HIPK3: variants seen among roughly 807,000 people sequenced by gnomAD.
HIPK3 encodes homeodomain interacting protein kinase 3.
In HIPK3, 47 loss-of-function variants were observed where a neutral mutation model predicts 124.2. That is an observed-to-expected ratio of 0.38 (90% CI 0.30 to 0.48). The LOEUF is 0.48. HIPK3 is among the 20% of genes least tolerant of loss of function. The pLI is 0.98. For synonymous variants in HIPK3, 482 were observed against 515.2 expected, an observed-to-expected ratio of 0.94 and a Z score of 0.87; for missense variants, 1,286 against 1,454.3, an observed-to-expected ratio of 0.88 and a Z score of 1.88.
intron 1 of HIPK3, among the ~76,000 whole-genome samples, chr11:33,259,242 A>G (rs1191264591): frequency 6.6e-6 from 1 of 152,208 alleles, no homozygotes; most frequent in Non-Finnish European, 1.5e-5. Context: ...TTTTTGATGA[A>G]AAGTCTTGAG....
At chr11:33,295,277 G>GCCCCCCCCCCCCCCC (rs34093915) in intron 2 of HIPK3, among the ~76,000 whole-genome samples, 1 of 106,632 alleles carries the variant, frequency 9.4e-6, no homozygotes, top group Non-Finnish European at 1.9e-5. Flanking sequence ...AGCCACCACC[G>GCCCCCCCCCCCCCCC]CCCCCCCCCC....
chr11:33,324,967 A>G (rs12225045), intron 2 of HIPK3, among the ~76,000 whole-genome samples: 32,780 of 152,176 alleles, frequency 0.22, 4,159 homozygotes, highest in East Asian at 0.37. Flanking sequence ...GCAATAATAG[A>G]TAGTGAACTT....
chr11:33,328,539 T>C lies in HIPK3; in HGVS notation c.1127T>C (p.Phe376Ser). ...RAPEIILGLP[F>S]CEAIDMWSLG... ...CCAGAGATTATATTGGGGTTGCCAT[T>C]TTGTGAAGCCATAGACATGTGGTCA... The change falls in exon 3 of 17, where the codon TTT becomes TCT. Residue 376 changes from phenylalanine (F) to serine (S), a missense_variant. Transcript: ENST00000303296. The C allele has an allele frequency of 6.2e-7, 1 of 1,613,644 alleles. No homozygotes were observed. Among genetic ancestry groups the C allele is most frequent in the Non-Finnish European group, 8.5e-7 (1 of 1,179,646 alleles).
At chr11:33,262,434 C>G (rs996949241) in intron 1 of HIPK3, among the ~76,000 whole-genome samples, 2 of 152,198 alleles carry the variant, frequency 1.3e-5, no homozygotes, top group African/African-American at 2.4e-5. Flanking sequence ...TCAGTTGATA[C>G]TTGGAACATA....
intron 2 of HIPK3, among the ~76,000 whole-genome samples, chr11:33,303,868 T>C (rs1852074850): frequency 6.6e-6 from 1 of 152,178 alleles, no homozygotes; most frequent in South Asian, 2.1e-4. Context: ...TGAGAAAACA[T>C]TGCATTACAA....
chr11:33,353,069 T>TA, intron 16 of HIPK3, 23 bp from the exon 17 acceptor site: 1 of 1,288,552 alleles, frequency 7.8e-7, no homozygotes. Flanking sequence ...ATTCAGTCAT[T>TA]TTTTTTTTTT....
In HIPK3 at chr11:33,286,707, A is replaced by G. The variant is rs998471618; in HGVS notation, c.293A>G (p.Gln98Arg). The change falls in exon 2 of 17, where the codon CAG becomes CGG. Residue 98 changes from glutamine to arginine, a missense_variant. By Grantham distance (43) the Gln-to-Arg change is conservative. This residue lies in a region of HIPK3 where 225 missense variants were observed against 240.3 expected (regional missense o/e 0.94). Coordinates refer to ENST00000303296, the MANE Select transcript of HIPK3 (RefSeq NM_005734.5). The part of the protein sequence containing the change: ...TAGATKVIAA[Q>R]AQQAHVQAPQ... ...GGTGCTACAAAGGTCATAGCAGCTC[A>G]GGCACAGCAAGCTCACGTGCAGGCA... 2 of 1,614,114 alleles carry G rather than the reference A, an allele frequency of 1.2e-6. No homozygotes were observed. Among genetic ancestry groups the G allele is most frequent in the Non-Finnish European group, 1.7e-6 (2 of 1,180,014 alleles).
In HIPK3 at chr11:33,351,715, A is replaced by T; in HGVS notation, c.2915A>T (p.Asp972Val). The change falls in exon 15 of 17, where the codon GAC becomes GTC. Residue 972 changes from aspartate to valine, a missense_variant. Coordinates refer to ENST00000303296, the MANE Select transcript of HIPK3 (RefSeq NM_005734.5). ...SPFAESTFVE[D>V]THENTELVSS... ...TTTGCAGAGAGCACTTTTGTGGAGG[A>T]CACTCATGAAAACACAGAATTGGTA... 6.2e-7 allele frequency: 1 copy of T among 1,614,158 alleles called. No individual in the cohort carries two copies. Among genetic ancestry groups the T allele is most frequent in the Non-Finnish European group, 8.5e-7 (1 of 1,180,010 alleles).
Position 33,257,763 on chromosome 11 carries a change from C to G in HIPK3, c.-129C>G. ...GCAGCGGCCGCGGAGAGGGGCTGAG[C>G]CCGGGCTGGGTGGTGCCGCCTGCTG... On this transcript the variant is annotated 5_prime_UTR_variant, in exon 1 of 17. Coordinates refer to ENST00000303296, the MANE Select transcript of HIPK3 (RefSeq NM_005734.5). 1 of 988,070 alleles carries G rather than the reference C, an allele frequency of 1.0e-6. No individual in the cohort carries two copies. The highest frequency in any genetic ancestry group is 1.2e-6 in the Non-Finnish European group (1 of 831,876). The allele number at this position is 988,070 out of a possible 1,614,324, so 61.2% of individuals were successfully genotyped here.
chr11:33,280,654 C>A (rs1257925748), intron 1 of HIPK3, among the ~76,000 whole-genome samples: 1 of 152,132 alleles, frequency 6.6e-6, no homozygotes, highest in Non-Finnish European at 1.5e-5. Flanking sequence ...TTGTCCAAAC[C>A]CTGGTTGGAG....
intron 1 of HIPK3, among the ~76,000 whole-genome samples, chr11:33,262,904 A>C (rs966563223): frequency 1.8e-4 from 27 of 152,014 alleles, no homozygotes; most frequent in African/African-American, 6.0e-4. Flanking sequence ...TGCAGCCTCA[A>C]CCTCCTGAGC....
At chr11:33,285,472 T>C (rs192959076) in intron 1 of HIPK3, among the ~76,000 whole-genome samples, 47 of 152,134 alleles carry the variant, frequency 3.1e-4, no homozygotes, top group Non-Finnish European at 6.5e-4. Flanking sequence ...ATAATATTTT[T>C]AGTAAATAGA....
At chr11:33,341,220 A>G (rs1853324313) in intron 7 of HIPK3, 93 bp downstream of exon 7, 3 of 865,872 alleles carry the variant, frequency 3.5e-6, no homozygotes, top group South Asian at 2.0e-5. Context: ...GTCAGTTGTT[A>G]GAATGTACAG....
At chr11:33,351,942 A>T in intron 15 of HIPK3, 99 bp downstream of exon 15, 1 of 1,108,968 alleles carries the variant, frequency 9.0e-7, no homozygotes, top group East Asian at 2.6e-5. Context: ...CTGAATTTTG[A>T]CTTGACCCTG....
intron 2 of HIPK3, among the ~76,000 whole-genome samples, chr11:33,289,124 G>A (rs1210407262): frequency 1.3e-5 from 2 of 152,074 alleles, no homozygotes; most frequent in African/African-American, 4.8e-5. Context: ...GCCCATTTAT[G>A]TCACTTAGTG....
At chr11:33,274,730 A>C (rs1038577945) in intron 1 of HIPK3, among the ~76,000 whole-genome samples, 4 of 152,140 alleles carry the variant, frequency 2.6e-5, no homozygotes, top group Admixed American at 2.6e-4. Context: ...TTTTGAATTA[A>C]TTAGCTCTTT....
At chr11:33,269,470 T>C (rs1207279371) in intron 1 of HIPK3, among the ~76,000 whole-genome samples, 2 of 151,804 alleles carry the variant, frequency 1.3e-5, no homozygotes, top group African/African-American at 4.8e-5. Flanking sequence ...GTTCTGTTTT[T>C]TTTCCTGCTT....
At chr11:33,273,382 A>T (rs568445) in intron 1 of HIPK3, among the ~76,000 whole-genome samples, 1 of 151,556 alleles carries the variant, frequency 6.6e-6, no homozygotes, top group Non-Finnish European at 1.5e-5. Context: ...GGTGGCGGGC[A>T]CCTGTAGTCC....
intron 2 of HIPK3, among the ~76,000 whole-genome samples, chr11:33,327,941 T>C (rs1852859561): frequency 6.6e-6 from 1 of 152,204 alleles, no homozygotes; most frequent in African/African-American, 2.4e-5. Context: ...GCTTTTTAAC[T>C]ATGTTGTTAT....
Sources: allele counts gnomAD v4.1 joint callset (sites outside exome capture counted in the v4.1 genomes callset), GRCh38; gene constraint gnomAD v4.1.1; regional missense constraint gnomAD v4.1.1; transcripts MANE v1.5; gene names NCBI Gene and HGNC (gene_info 2026-07-23, HGNC 2026-07-21).